Variants in PANK1 observed in about 807,000 individuals in gnomAD.
PANK1 encodes the protein pantothenate kinase 1.
PANK1 carries 18 observed loss-of-function variants against 40.1 expected under a neutral mutation model. The ratio of observed to expected loss-of-function variants is 0.45; its 90% CI spans 0.31 to 0.67. PANK1 has a LOEUF of 0.67. Ranked by LOEUF, PANK1 falls within the 30% of genes least tolerant of loss-of-function variation. The pLI is 0.06. For synonymous variants in PANK1, 242 were observed against 237.7 expected (o/e 1.02, Z -0.17); for missense variants, 457 against 599.6 (o/e 0.76, Z 2.48).
chr10:89,592,735 T>A (rs1483764150), intron 5 of PANK1: 1 of 534,970 alleles, frequency 1.9e-6, no homozygotes, highest in Non-Finnish European at 3.8e-6. Context: ...TGGCCTTGGC[T>A]GTAGCAAGCT....
At position 89,644,855 on chromosome 10, in the gene PANK1, G is replaced by A; in HGVS notation, c.37C>T (p.Pro13Ser). ...DRSGQQERSV[P>S]HSPGAPVGTS... ...CCCACGGGGGCCCCTGGAGAGTGCG[G>A]GACCGAGCGCTCCTGCTGCCCGCTG... Residue 13 changes from proline (P) to serine (S), a missense_variant, in exon 1 of 7, where the codon CCG becomes TCG. By Grantham distance (74) the Pro-to-Ser change is moderately conservative. Transcript: ENST00000307534. 6.8e-7 allele frequency: 1 copy of A among 1,474,748 alleles called. No homozygotes were observed. 91.4% of individuals were successfully genotyped at this position (1,474,748 alleles called of 1,614,324 possible).
chr10:89,596,635 T>C (rs1417155276), intron 3 of PANK1, among the ~76,000 whole-genome samples: 1 of 152,230 alleles, frequency 6.6e-6, no homozygotes, highest in Non-Finnish European at 1.5e-5. Flanking sequence ...TGCATCTGTT[T>C]GTTTCAGTAG....
rs538445221 is a variant in PANK1, at chr10:89,638,246, T to C, written c.292+6354A>G. ...AATCTTATAGGACTACCTTTGTATA[T>C]GTGCTCCTTCCTTGGTGAAAAGGTC... On this transcript the variant is annotated intron_variant, in intron 1 of 6. Transcript: ENST00000307534. 4.5e-4 allele frequency among the ~76,000 whole-genome samples: 68 copies of C among 152,396 alleles called. 1 individual carries two copies. In the Middle Eastern group the frequency reaches 0.01, roughly 23 times the overall value.
In PANK1 at chr10:89,619,523, G is replaced by A. The variant is rs114739445; in HGVS notation, c.293-7475C>T. Among the ~76,000 whole-genome samples, 828 of 152,288 alleles carry A rather than the reference G, an allele frequency of 5.4e-3. 9 individuals are homozygous for A. Among genetic ancestry groups the A allele is most frequent in the African/African-American group, 0.017 (707 of 41,562 alleles). Reference sequence around the variant, plus strand: ...CTGAGTTTCTCTATAACCAGCTGCAGAGCCTTAAGAAGTGTTCCTGGTGAG... The same window carrying A: ...CTGAGTTTCTCTATAACCAGCTGCAAAGCCTTAAGAAGTGTTCCTGGTGAG... On this transcript the variant is annotated intron_variant, in intron 1 of 6. Coordinates refer to ENST00000307534, the MANE Select transcript of PANK1 (RefSeq NM_148977.3).
At chr10:89,613,253 T>A (rs1845217221) in intron 1 of PANK1, among the ~76,000 whole-genome samples, 1 of 152,150 alleles carries the variant, frequency 6.6e-6, no homozygotes, top group African/African-American at 2.4e-5. Flanking sequence ...AACCCAAAAC[T>A]GTAATATTAA....
chr10:89,615,545 T>A (rs938808092), intron 1 of PANK1, among the ~76,000 whole-genome samples: 26 of 152,172 alleles, frequency 1.7e-4, no homozygotes, highest in African/African-American at 6.3e-4. Flanking sequence ...AAATGTTATA[T>A]CATTAGTTTG....
chr10:89,597,769 T>C (rs533798053), intron 3 of PANK1, among the ~76,000 whole-genome samples: 2 of 152,334 alleles, frequency 1.3e-5, no homozygotes, highest in African/African-American at 4.8e-5. Context: ...CGGTCTGTAG[T>C]TGTTTAAAAA....
At chr10:89,601,371 C>T (rs1299290385) in intron 2 of PANK1, among the ~76,000 whole-genome samples, 1 of 141,106 alleles carries the variant, frequency 7.1e-6, no homozygotes, top group Non-Finnish European at 1.5e-5. Context: ...GTCCTAGCTG[C>T]TTGGGAGGCT....
chr10:89,640,896 T>A (rs1426519695), intron 1 of PANK1, among the ~76,000 whole-genome samples: 1 of 152,244 alleles, frequency 6.6e-6, no homozygotes, highest in Non-Finnish European at 1.5e-5. Context: ...ATTATATTAA[T>A]GTTGAAACTC....
rs1251387233 is a variant in PANK1, at chr10:89,584,286, T to A, written c.*120A>T. 3 of 657,968 alleles carry A rather than the reference T, an allele frequency of 4.6e-6. No individual in the cohort carries two copies. Among genetic ancestry groups the A allele is most frequent in the Non-Finnish European group, 8.4e-6 (3 of 357,764 alleles). 40.8% of individuals were successfully genotyped at this position (657,968 alleles called of 1,614,324 possible). On this transcript the variant is annotated 3_prime_UTR_variant, in exon 7 of 7. Coordinates refer to ENST00000307534, the MANE Select transcript of PANK1 (RefSeq NM_148977.3). ...GGAAGGATTTTAAATTATTTACAAA[T>A]CCAGCAGGTTCATCTGCCATAATGG...
At chr10:89,614,909 T>C (rs1845272226) in intron 1 of PANK1, among the ~76,000 whole-genome samples, 1 of 151,970 alleles carries the variant, frequency 6.6e-6, no homozygotes, top group Non-Finnish European at 1.5e-5. Context: ...TTAAGCCTAT[T>C]TGGTTTAGGG....
chr10:89,611,241 G>T (rs1413002564), intron 2 of PANK1, among the ~76,000 whole-genome samples: 1 of 152,168 alleles, frequency 6.6e-6, no homozygotes, highest in Non-Finnish European at 1.5e-5. Flanking sequence ...CTGAAAAAAG[G>T]CACTTGAGAG....
intron 3 of PANK1, among the ~76,000 whole-genome samples, chr10:89,595,078 G>T (rs1367664879): frequency 6.6e-6 from 1 of 152,146 alleles, no homozygotes; most frequent in African/African-American, 2.4e-5. Flanking sequence ...TGGGATTAAG[G>T]TTATGTTTAA....
intron 6 of PANK1, among the ~76,000 whole-genome samples, chr10:89,586,193 G>A (rs181615470): frequency 2.0e-5 from 3 of 152,162 alleles, no homozygotes; most frequent in Middle Eastern, 3.2e-3. Context: ...TGGACTTATG[G>A]TTACCAGATA....
At chr10:89,626,395 C>A (rs1488390116) in intron 1 of PANK1, 1 of 151,502 alleles carries the variant, frequency 6.6e-6, no homozygotes, top group Non-Finnish European at 1.5e-5. Flanking sequence ...AGCTCCGCCT[C>A]CCAGGTTAAT....
chr10:89,582,314 C>T (rs1844066387), downstream of PANK1: 3 of 152,154 alleles, frequency 2.0e-5, no homozygotes, highest in African/African-American at 7.2e-5. Flanking sequence ...TTCTGTAATT[C>T]AAGTGAATGT....
Position 89,644,859 on chromosome 10 carries a change from C to T in PANK1, c.33G>A (p.Ser11=), listed in dbSNP as rs963816134. MGDRSGQQER[S]VPHSPGAPVG... ...CGGGGGCCCCTGGAGAGTGCGGGAC[C>T]GAGCGCTCCTGCTGCCCGCTGCGGT... The change falls in exon 1 of 7, where the codon TCG becomes TCA. Residue 11 remains serine (S), a synonymous_variant. Coordinates refer to ENST00000307534, the MANE Select transcript of PANK1 (RefSeq NM_148977.3). 1.4e-6 allele frequency: 2 copies of T among 1,476,240 alleles called. No individual in the cohort carries two copies. Among genetic ancestry groups the T allele is most frequent in the African/African-American group, 1.5e-5 (1 of 67,216 alleles). The allele number at this position is 1,476,240 out of a possible 1,614,324, so 91.4% of individuals were successfully genotyped here.
intron 1 of PANK1, among the ~76,000 whole-genome samples, chr10:89,624,753 C>T (rs937267424): frequency 6.6e-6 from 1 of 152,270 alleles, no homozygotes; most frequent in South Asian, 2.1e-4. Flanking sequence ...TACAGACTCC[C>T]AGGACATCAC....
intron 3 of PANK1, among the ~76,000 whole-genome samples, chr10:89,597,546 C>T (rs575603911): frequency 2.6e-4 from 39 of 152,188 alleles, no homozygotes; most frequent in Non-Finnish European, 4.6e-4. Flanking sequence ...TTATTACACA[C>T]ATAATAGAAG....
Sources: gnomAD v4.1 joint callset for allele counts (sites outside exome capture counted in the v4.1 genomes callset) on GRCh38, gnomAD v4.1.1 for gene constraint, MANE v1.5 for transcripts, NCBI Gene and HGNC (gene_info 2026-07-23, HGNC 2026-07-21) for gene names.